Variants in ATP5F1C observed in about 807,000 individuals in gnomAD.
ATP5F1C encodes ATP synthase F(1) complex subunit gamma, mitochondrial.
Under a neutral mutation model 37.4 loss-of-function variants are expected in ATP5F1C, and 22 were observed. The observed-to-expected ratio is 0.59, with a 90% CI of 0.42 to 0.84. The LOEUF (loss-of-function observed/expected upper bound fraction) is 0.84, where lower values mean the gene tolerates loss of function less well. ATP5F1C is among the 40% of genes least tolerant of loss of function. ATP5F1C has a pLI of 0.00. For synonymous variants in ATP5F1C, 121 were observed against 128.0 expected (o/e 0.95, Z 0.37); for missense variants, 286 against 362.4 (o/e 0.79, Z 1.71).
At position 7,799,210 on chromosome 10, in the gene ATP5F1C, ATTGT is replaced by A. The variant is rs756510328; in HGVS notation, c.428+19_428+22del. The A allele has an allele frequency of 4.4e-6, 7 of 1,599,106 alleles. No homozygotes were observed. In the South Asian group the frequency reaches 5.6e-5, roughly 13 times the overall value. ...TACTTTATAGGTAATTTAAATATAT[ATTGT>A]TTATTTTCATAAAGATGTAAGCACG... On this transcript the variant is annotated intron_variant, in intron 4 of 9. Coordinates refer to ENST00000356708, the MANE Select transcript of ATP5F1C (RefSeq NM_001001973.3).
chr10:7,804,711 T>C (rs531296745), intron 8 of ATP5F1C, among the ~76,000 whole-genome samples: 1 of 152,372 alleles, frequency 6.6e-6, no homozygotes, highest in South Asian at 2.1e-4. Flanking sequence ...CATATCTTAT[T>C]CACTTTTGTG....
intron 8 of ATP5F1C, among the ~76,000 whole-genome samples, chr10:7,806,113 T>A (rs1836475654): frequency 6.6e-6 from 1 of 152,168 alleles, no homozygotes; most frequent in Non-Finnish European, 1.5e-5. Flanking sequence ...AAGTTTTTGC[T>A]TCCTAGGAAG....
chr10:7,796,979 T>C (rs540665563), intron 2 of ATP5F1C, 68 bp from the exon 3 acceptor site: 16 of 1,539,638 alleles, frequency 1.0e-5, no homozygotes, highest in African/African-American at 1.4e-5. Flanking sequence ...CAGAAAAATA[T>C]GTCAATAAAT....
At chr10:7,788,518 C>T (rs1168504768) in intron 1 of ATP5F1C, among the ~76,000 whole-genome samples, 1 of 152,194 alleles carries the variant, frequency 6.6e-6, no homozygotes. Flanking sequence ...CCTGGGACCT[C>T]GGGACTGCGG....
intron 8 of ATP5F1C, among the ~76,000 whole-genome samples, chr10:7,803,229 G>T (rs554222791): frequency 2.0e-5 from 3 of 151,188 alleles, no homozygotes; most frequent in Non-Finnish European, 2.9e-5. Context: ...TGTTGGGAAG[G>T]TCCAGGAATT....
intron 1 of ATP5F1C, among the ~76,000 whole-genome samples, chr10:7,794,737 T>C (rs944881037): frequency 6.6e-6 from 1 of 152,234 alleles, no homozygotes; most frequent in Non-Finnish European, 1.5e-5. Context: ...TTTAATACAT[T>C]GTTGGATTTG....
intron 1 of ATP5F1C, among the ~76,000 whole-genome samples, chr10:7,795,377 T>G (rs974926651): frequency 6.6e-6 from 1 of 152,230 alleles, no homozygotes; most frequent in African/African-American, 2.4e-5. Flanking sequence ...AAAGATCATC[T>G]AATATTTTTT....
intron 4 of ATP5F1C, chr10:7,799,481 C>T: frequency 1.8e-6 from 1 of 553,676 alleles, no homozygotes; most frequent in South Asian, 2.3e-5. Flanking sequence ...CCAAATGAGG[C>T]ATCTGAGGAG....
intron 7 of ATP5F1C, 24 bp downstream of exon 7, chr10:7,802,449 C>G (rs1564334256): frequency 6.3e-7 from 1 of 1,591,352 alleles, no homozygotes. Context: ...ATGGACAGTG[C>G]CAGCAGGAGT....
intron 1 of ATP5F1C, among the ~76,000 whole-genome samples, chr10:7,788,582 C>T (rs1836096863): frequency 6.6e-6 from 1 of 152,212 alleles, no homozygotes; most frequent in South Asian, 2.1e-4. Context: ...CTAATCAGCA[C>T]TTCCTGAGCT....
In ATP5F1C at chr10:7,807,020, A is replaced by G; in HGVS notation, c.*30+10A>G. On this transcript the variant is annotated intron_variant, in intron 9 of 9. Transcript: ENST00000356708. ...CATCCTCAGACAAGAGGTAAAGTTC[A>G]CACATTCTTCCCATGTCTGTTCAGA... The G allele has an allele frequency of 6.2e-7, 1 of 1,607,076 alleles. No homozygotes were observed. Among genetic ancestry groups the G allele is most frequent in the Admixed American group, 1.7e-5 (1 of 59,876 alleles).
rs749087352 is a variant in ATP5F1C, at chr10:7,796,138, T to C, written c.74T>C (p.Met25Thr). The C allele has an allele frequency of 4.4e-6, 7 of 1,588,962 alleles. No homozygotes were observed. The highest frequency in any genetic ancestry group is 5.1e-6 in the Non-Finnish European group (6 of 1,172,178). The change falls in exon 2 of 10, where the codon ATG becomes ACG. Residue 25 changes from methionine (M) to threonine (T), a missense_variant. Transcript: ENST00000356708. ...LQPQWIQVRN[M>T]ATLKDITRRL... ...ATCCTCAGGATTCAAGTTCGAAATA[T>C]GGCAACTTTGAAAGATAGTAAGTAT...
At chr10:7,796,257 A>G in intron 2 of ATP5F1C, 102 bp downstream of exon 2, 1 of 1,011,922 alleles carries the variant, frequency 9.9e-7, no homozygotes, top group Non-Finnish European at 1.4e-6. Context: ...TGTGTATTTG[A>G]TCAAAACTGA....
In ATP5F1C at chr10:7,799,828, C is replaced by A; in HGVS notation, c.485C>A (p.Thr162Asn). Residue 162 changes from threonine to asparagine, a missense_variant, in exon 5 of 10, where the codon ACT becomes AAT. Coordinates refer to ENST00000356708, the MANE Select transcript of ATP5F1C (RefSeq NM_001001973.3). ...AFKEVGRKPP[T>N]FGDASVIALE... is the part of the protein sequence containing the mutation. ...AAAGAAGTGGGAAGAAAGCCCCCCACTTTTGGAGATGCGTCAGTCATTGCC... is the reference window on the plus strand; with the variant it reads ...AAAGAAGTGGGAAGAAAGCCCCCCAATTTTGGAGATGCGTCAGTCATTGCC... 6.2e-7 allele frequency: 1 copy of A among 1,614,182 alleles called. No individual in the cohort carries two copies. Among genetic ancestry groups the A allele is most frequent in the Admixed American group, 1.7e-5 (1 of 60,022 alleles).
rs1385831221 is a variant in ATP5F1C, at chr10:7,805,561, C to G, written c.891-1413C>G. On this transcript the variant is annotated intron_variant, in intron 8 of 9. Transcript: ENST00000356708. ...AGGAGATTGAGACCATCCTGGCTAA[C>G]TCGGTGAAACCCCGTCTCTACTAAA... Among the ~76,000 whole-genome samples, 3 of 151,994 alleles carry G rather than the reference C, an allele frequency of 2.0e-5. No homozygotes were observed. In the East Asian group the frequency reaches 5.8e-4, roughly 29 times the overall value.
chr10:7,806,947 G>A, intron 8 of ATP5F1C, 27 bp from the exon 9 acceptor site: 1 of 1,600,456 alleles, frequency 6.2e-7, no homozygotes, highest in East Asian at 2.2e-5. Context: ...TTTTGTGTTT[G>A]TCTTTTTCTT....
At chr10:7,792,601 A>T (rs76195164) in intron 1 of ATP5F1C, among the ~76,000 whole-genome samples, 1,646 of 152,266 alleles carry the variant, frequency 0.011, 16 homozygotes, top group Middle Eastern at 0.041. Flanking sequence ...CCAGAATCAT[A>T]CAGTATTTGC....
intron 1 of ATP5F1C, 34 bp downstream of exon 1, chr10:7,788,297 C>T (rs766997025): frequency 7.5e-6 from 12 of 1,609,176 alleles, no homozygotes; most frequent in Admixed American, 6.7e-5. Context: ...GGCAGGACCG[C>T]AAGGGATGGA....
At chr10:7,800,940 G>A (rs1014642094) in intron 6 of ATP5F1C, among the ~76,000 whole-genome samples, 2 of 152,202 alleles carry the variant, frequency 1.3e-5, no homozygotes, top group Non-Finnish European at 2.9e-5. Flanking sequence ...TTGTCCTCAA[G>A]GATTGAAGAG....
Sources: allele counts gnomAD v4.1 joint callset (sites outside exome capture counted in the v4.1 genomes callset), GRCh38; gene constraint gnomAD v4.1.1; transcripts MANE v1.5; gene names NCBI Gene and HGNC (gene_info 2026-07-23, HGNC 2026-07-21).